Variants in SPEF2 observed in about 807,000 individuals in gnomAD.
SPEF2 encodes sperm flagella and cilia-associated protein 2.
A neutral mutation model predicts 224.6 loss-of-function variants in SPEF2; 187 were observed. The observed-to-expected ratio is 0.83, with a 90% CI of 0.74 to 0.94. SPEF2 has a LOEUF of 0.94. Among genes scored for constraint, SPEF2 ranks in the 40% least tolerant of loss-of-function variants. SPEF2 has a pLI of 0.00. For missense variants in SPEF2, 2,170 were observed against 2,135.6 expected, an observed-to-expected ratio of 1.02 and a Z score of -0.32; for synonymous variants, 715 against 707.3, an observed-to-expected ratio of 1.01 and a Z score of -0.17.
At chr5:35,788,854 T>A (rs1755559009) in intron 30 of SPEF2, 2 of 702,852 alleles carry the variant, frequency 2.8e-6, no homozygotes, top group South Asian at 3.0e-5. Context: ...ACAGCATTTA[T>A]CACTTTTATC....
At chr5:35,710,861 A>G (rs1740967428) in intron 19 of SPEF2, 1 of 985,370 alleles carries the variant, frequency 1.0e-6, no homozygotes, top group Non-Finnish European at 1.2e-6. Context: ...GAGTGGTTGT[A>G]CTTGTCTTTT....
rs748461125 is a variant in SPEF2, at chr5:35,795,698, T to C, written c.4738-5T>C. Reference sequence around the variant, plus strand: ...TAACAATTTTCATTTTTATTTTTTATGTAGGCTGGTCTGTGGTTTACAGGA... The same window carrying C: ...TAACAATTTTCATTTTTATTTTTTACGTAGGCTGGTCTGTGGTTTACAGGA... On this transcript the variant is annotated splice_region_variant and splice_polypyrimidine_tract_variant and intron_variant, in intron 32 of 36. Transcript: ENST00000356031. 2.6e-5 allele frequency: 41 copies of C among 1,606,476 alleles called. No individual in the cohort carries two copies. The highest frequency in any genetic ancestry group is 1.4e-5 in the Non-Finnish European group (16 of 1,177,770).
At chr5:35,718,247 G>T (rs1477492887) in intron 20 of SPEF2, among the ~76,000 whole-genome samples, 1 of 152,128 alleles carries the variant, frequency 6.6e-6, no homozygotes, top group African/African-American at 2.4e-5. Context: ...CCAGTTTAAG[G>T]CTTGGGAAAT....
In SPEF2 at chr5:35,814,544, A is replaced by G; in HGVS notation, c.5460A>G (p.Glu1820=). 1 of 1,597,752 alleles carries G rather than the reference A, an allele frequency of 6.3e-7. No individual in the cohort carries two copies. Among genetic ancestry groups the G allele is most frequent in the Non-Finnish European group, 8.5e-7 (1 of 1,170,778 alleles). The change falls in exon 37 of 37, where the codon GAA becomes GAG. Residue 1820 remains glutamate (E), a synonymous_variant. Transcript: ENST00000356031. The part of the protein sequence containing the change: ...GERSPSRHTE[E]KK ...GATCACCTTCAAGACATACAGAGGAAAAGAAATGAAGACAAAAGAGTGTGA... is the reference window on the plus strand; with the variant it reads ...GATCACCTTCAAGACATACAGAGGAGAAGAAATGAAGACAAAAGAGTGTGA...
intron 2 of SPEF2, among the ~76,000 whole-genome samples, chr5:35,630,398 T>C (rs1744917638): frequency 6.6e-6 from 1 of 152,222 alleles, no homozygotes; most frequent in Non-Finnish European, 1.5e-5. Flanking sequence ...AGCAAACTTC[T>C]TGAATGCTTT....
chr5:35,740,152 A>G lies in SPEF2; in HGVS notation c.3215A>G (p.Lys1072Arg), dbSNP rs1196112609. 1 of 1,614,166 alleles carries G rather than the reference A, an allele frequency of 6.2e-7. No individual in the cohort carries two copies. The highest frequency in any genetic ancestry group is 1.1e-5 in the South Asian group (1 of 91,084). Residue 1072 changes from lysine (K) to arginine (R), a missense_variant, in exon 23 of 37, where the codon AAG becomes AGG. By Grantham distance (26) the Lys-to-Arg change is conservative. Transcript: ENST00000356031. ...AGAACAAGTTTCCAGGAGTTTCTAA[A>G]GCGTCCGGATCACAAGCAAGATTTT... ...EIRTSFQEFL[K>R]RPDHKQDFVA...
At chr5:35,719,762 T>C (rs1743278017) in intron 20 of SPEF2, among the ~76,000 whole-genome samples, 1 of 152,042 alleles carries the variant, frequency 6.6e-6, no homozygotes. Flanking sequence ...GCTGGGATTA[T>C]AAGCACATGC....
rs1739628260 is a variant in SPEF2 at position 35,705,778 on chromosome 5, A to G, written c.2635A>G (p.Thr879Ala). 1 of 1,519,062 alleles carries G rather than the reference A, an allele frequency of 6.6e-7. No individual in the cohort carries two copies. Among genetic ancestry groups the G allele is most frequent in the Non-Finnish European group, 8.9e-7 (1 of 1,120,550 alleles). The allele number at this position is 1,519,062 out of a possible 1,614,324, so 94.1% of individuals were successfully genotyped here. The stretch of plus-strand genomic sequence containing the variant: ...ATGTGAAAAAGTAAAAGAAATTCTT[A>G]CGACTGAAATAGCAAAAAAAAAGAA... ...SLCEKVKEIL[T>A]TEIAKKKNKV... is the part of the protein sequence containing the mutation. The change falls in exon 18 of 37, where the codon ACG becomes GCG. Residue 879 changes from threonine (T) to alanine (A), a missense_variant. Coordinates refer to ENST00000356031, the MANE Select transcript of SPEF2 (RefSeq NM_024867.4).
chr5:35,735,841 C>T (rs984590593), intron 21 of SPEF2, among the ~76,000 whole-genome samples: 5 of 152,190 alleles, frequency 3.3e-5, no homozygotes, highest in Non-Finnish European at 4.4e-5. Flanking sequence ...TAAATGTAAT[C>T]GGAGAAATAA....
intron 33 of SPEF2, among the ~76,000 whole-genome samples, chr5:35,797,610 C>G (rs532051432): frequency 6.6e-6 from 1 of 152,168 alleles, no homozygotes; most frequent in Non-Finnish European, 1.5e-5. Flanking sequence ...ACTCTTGGAA[C>G]AGCGATTGGC....
intron 10 of SPEF2, chr5:35,671,126 G>C (rs898949495): frequency 2.0e-6 from 2 of 985,200 alleles, no homozygotes; most frequent in East Asian, 1.1e-4. Context: ...GTCAGTAAGT[G>C]CAACATGAAA....
intron 10 of SPEF2, among the ~76,000 whole-genome samples, chr5:35,683,774 G>T (rs892632851): frequency 6.6e-6 from 1 of 152,236 alleles, no homozygotes; most frequent in Non-Finnish European, 1.5e-5. Context: ...CCTAGGTGTT[G>T]ATGGATCCTG....
intron 26 of SPEF2, among the ~76,000 whole-genome samples, chr5:35,769,987 T>C (rs576919888): frequency 8.1e-4 from 67 of 82,738 alleles, no homozygotes; most frequent in African/African-American, 3.4e-3. Context: ...ACTGCCTCCA[T>C]AATGTGTGTG....
rs1738418960 is a variant in SPEF2 at position 35,700,615 on chromosome 5, A to G, written c.2261A>G (p.Lys754Arg). ...CNRNLTEVER[K>R]KAQKSTLAID... is the part of the protein sequence containing the mutation. ...AGAAACCTCACAGAAGTGGAAAGAA[A>G]AAAAGCACAAAAATCCACATTGGCT... Residue 754 changes from lysine to arginine, a missense_variant, in exon 16 of 37, where the codon AAA becomes AGA. By Grantham distance (26) the Lys-to-Arg change is conservative. Coordinates refer to ENST00000356031, the MANE Select transcript of SPEF2 (RefSeq NM_024867.4). 3.7e-6 allele frequency: 6 copies of G among 1,613,894 alleles called. No homozygotes were observed. Among genetic ancestry groups the G allele is most frequent in the Non-Finnish European group, 5.1e-6 (6 of 1,179,978 alleles).
chr5:35,629,425 G>T lies in SPEF2; in HGVS notation c.161+863G>T, dbSNP rs368873569. Among the ~76,000 whole-genome samples the T allele has an allele frequency of 2.6e-5, 4 of 151,886 alleles. No individual in the cohort carries two copies. The East Asian group carries it at 7.7e-4, about 29-fold the overall frequency. On this transcript the variant is annotated intron_variant, in intron 2 of 36. Coordinates refer to ENST00000356031, the MANE Select transcript of SPEF2 (RefSeq NM_024867.4). ...ACTTGTCTCAGCCTCCTAAAGTGCT[G>T]GGATTACAGGTGTGAGCCACCGCGC...
Position 35,712,894 on chromosome 5 carries a change from A to C in SPEF2, c.2914+8A>C. ...CCGCACTCAAAAGAAAAGGTACAGC[A>C]GATAAAAATATATATAATTACATGT... On this transcript the variant is annotated splice_region_variant and intron_variant, in intron 20 of 36. Transcript: ENST00000356031. The C allele has an allele frequency of 6.2e-7, 1 of 1,607,352 alleles. No homozygotes were observed. The highest frequency in any genetic ancestry group is 2.2e-5 in the East Asian group (1 of 44,802).
chr5:35,807,894 T>C (rs1293946900), intron 36 of SPEF2: 2 of 1,455,886 alleles, frequency 1.4e-6, no homozygotes, highest in Non-Finnish European at 1.8e-6. Flanking sequence ...GGGCAGAGGC[T>C]GACACCAACC....
intron 20 of SPEF2, among the ~76,000 whole-genome samples, chr5:35,715,773 T>G (rs1236955433): frequency 4.0e-5 from 6 of 151,862 alleles, no homozygotes; most frequent in Admixed American, 1.3e-4. Flanking sequence ...TATGTTCTTT[T>G]TTCTATTTTA....
intron 30 of SPEF2, among the ~76,000 whole-genome samples, chr5:35,786,758 T>C (rs1755202390): frequency 6.6e-6 from 1 of 152,080 alleles, no homozygotes; most frequent in Non-Finnish European, 1.5e-5. Context: ...TTAAAAGGGA[T>C]TGAGATATGA....
Sources: allele counts gnomAD v4.1 joint callset (sites outside exome capture counted in the v4.1 genomes callset), GRCh38; gene constraint gnomAD v4.1.1; transcripts MANE v1.5; gene names NCBI Gene and HGNC (gene_info 2026-07-23, HGNC 2026-07-21).